The following GMDS variants were observed in gnomAD, a reference collection of about 807,000 sequenced individuals.
GMDS encodes GDP-mannose 4,6-dehydratase.
A neutral mutation model predicts 49.9 loss-of-function variants in GMDS; 20 were observed. The observed-to-expected ratio is 0.40, with a 90% confidence interval of 0.28 to 0.58. The LOEUF is 0.58. GMDS is among the 20% of genes least tolerant of loss of function. The pLI is 0.42. For synonymous variants in GMDS, 177 were observed against 178.6 expected (o/e 0.99, Z 0.07); for missense variants, 362 against 481.4 (o/e 0.75, Z 2.32).
chr6:1,919,494 T>C (rs925270041), intron 7 of GMDS, among the ~76,000 whole-genome samples: 6 of 152,230 alleles, frequency 3.9e-5, no homozygotes, highest in Admixed American at 1.3e-4. Context: ...TCGGCTTCTG[T>C]AAACTGTACC....
At chr6:2,200,787 T>A (rs1779485265) in intron 1 of GMDS, among the ~76,000 whole-genome samples, 1 of 130,534 alleles carries the variant, frequency 7.7e-6, no homozygotes. Context: ...AGCAGAGAGG[T>A]GAAGGATGAA....
chr6:1,685,718 C>T (rs917850045), intron 9 of GMDS, among the ~76,000 whole-genome samples: 1 of 151,960 alleles, frequency 6.6e-6, no homozygotes, highest in Non-Finnish European at 1.5e-5. Context: ...GTGGCCATAA[C>T]ATTTACCAGG....
At chr6:1,689,540 T>C (rs1765099468) in intron 9 of GMDS, among the ~76,000 whole-genome samples, 1 of 152,234 alleles carries the variant, frequency 6.6e-6, no homozygotes, top group South Asian at 2.1e-4. Context: ...TATCTTCTGG[T>C]ATAAGACAAT....
At position 1,811,916 on chromosome 6, in the gene GMDS, A is replaced by G. The variant is rs182191854; in HGVS notation, c.772-69330T>C. 1.4e-4 allele frequency among the ~76,000 whole-genome samples: 22 copies of G among 152,366 alleles called. No individual in the cohort carries two copies. The East Asian group carries it at 3.5e-3, about 24-fold the overall frequency. On this transcript the variant is annotated intron_variant, in intron 7 of 10. Coordinates refer to ENST00000380815, the MANE Select transcript of GMDS (RefSeq NM_001500.4). ...AAAGCTCTGTTTTCATATTAGAATC[A>G]AAAGCTCTGATATTCATTTAACCAA...
chr6:2,036,404 C>T (rs533910081), intron 4 of GMDS, among the ~76,000 whole-genome samples: 3 of 152,006 alleles, frequency 2.0e-5, no homozygotes, highest in East Asian at 3.9e-4. Flanking sequence ...AATAGGTTTG[C>T]TAACTGGAAA....
rs139143259 is a variant in GMDS, at chr6:1,932,289, G to A, written c.644-2059C>T. Among the ~76,000 whole-genome samples the A allele has an allele frequency of 8.1e-4, 124 of 152,246 alleles. 1 individual carries two copies. The highest frequency in any genetic ancestry group is 2.8e-3 in the African/African-American group (118 of 41,532). ...CACTGTGCTGAGCTCTTTAGATGGG[G>A]TAACTCATTTAATTTTCCGAGCAAC... On this transcript the variant is annotated intron_variant, in intron 6 of 10. Transcript: ENST00000380815.
intron 4 of GMDS, among the ~76,000 whole-genome samples, chr6:1,964,150 T>C (rs964356257): frequency 3.9e-5 from 6 of 152,230 alleles, no homozygotes; most frequent in African/African-American, 1.4e-4. Context: ...TTAAGAAACC[T>C]TAAACTAGAT....
At chr6:2,166,814 G>A (rs1777693031) in intron 1 of GMDS, among the ~76,000 whole-genome samples, 2 of 152,096 alleles carry the variant, frequency 1.3e-5, no homozygotes, top group South Asian at 4.1e-4. Flanking sequence ...GTTCCTCCAA[G>A]AGTCTGACAC....
In GMDS at chr6:1,624,485, C is replaced by T. The variant is rs1434294661; in HGVS notation, c.1043G>A (p.Arg348Gln). ...KAKQKLNWKP[R>Q]VAFDELVREM... is the part of the protein sequence containing the mutation. ...AGAGATACTCACATCGAAAGCGACC[C>T]GGGGCTTCCAGTTCAGCTTCTGTTT... Residue 348 changes from arginine to glutamine, a missense_variant, in exon 10 of 11, where the codon CGG (arginine) becomes CAG (glutamine). Physicochemically the swap from Arg to Gln is conservative, Grantham distance 43 (BLOSUM62 1). Transcript: ENST00000380815. 6.2e-7 allele frequency: 1 copy of T among 1,613,558 alleles called. No homozygotes were observed. Among genetic ancestry groups the T allele is most frequent in the Non-Finnish European group, 8.5e-7 (1 of 1,179,654 alleles).
At chr6:1,952,596 AACAG>A (rs1763405963) in intron 6 of GMDS, among the ~76,000 whole-genome samples, 1 of 152,062 alleles carries the variant, frequency 6.6e-6, no homozygotes, top group Non-Finnish European at 1.5e-5. Context: ...TGAAATTCTG[AACAG>A]ACAGTTTAGC....
intron 7 of GMDS, among the ~76,000 whole-genome samples, chr6:1,793,581 G>A (rs1405385316): frequency 1.3e-5 from 2 of 152,156 alleles, no homozygotes; most frequent in African/African-American, 4.8e-5. Flanking sequence ...CACCGCAGGT[G>A]GAGACTGGAG....
chr6:1,652,926 G>A (rs1023591524), intron 9 of GMDS, among the ~76,000 whole-genome samples: 2 of 147,436 alleles, frequency 1.4e-5, no homozygotes, highest in East Asian at 2.0e-4. Flanking sequence ...CCTGGGTCAC[G>A]TGTGTCTGTG....
chr6:2,227,084 T>G (rs1182666021), intron 1 of GMDS, among the ~76,000 whole-genome samples: 3 of 152,156 alleles, frequency 2.0e-5, no homozygotes, highest in Non-Finnish European at 4.4e-5. Flanking sequence ...TGTTGTTTTT[T>G]TTCCCCCTGA....
chr6:1,663,076 C>T (rs1448293807), intron 9 of GMDS, among the ~76,000 whole-genome samples: 1 of 152,186 alleles, frequency 6.6e-6, no homozygotes, highest in East Asian at 1.9e-4. Flanking sequence ...TTCCTTTAGC[C>T]AGATGTCAAA....
At chr6:1,695,560 T>C (rs912905122) in intron 9 of GMDS, among the ~76,000 whole-genome samples, 28 of 152,366 alleles carry the variant, frequency 1.8e-4, no homozygotes, top group Non-Finnish European at 3.7e-4. Context: ...GGCTCTCTCA[T>C]GCAGCAGTAG....
intron 9 of GMDS, among the ~76,000 whole-genome samples, chr6:1,672,400 A>C (rs1764460182): frequency 6.6e-6 from 1 of 152,266 alleles, no homozygotes; most frequent in Non-Finnish European, 1.5e-5. Flanking sequence ...AGGCATGTGT[A>C]AACAGAGATC....
At chr6:1,899,021 CTTAT>C (rs1760364300) in intron 7 of GMDS, among the ~76,000 whole-genome samples, 1 of 152,214 alleles carries the variant, frequency 6.6e-6, no homozygotes, top group African/African-American at 2.4e-5. Context: ...TTTCGCCTGC[CTTAT>C]AAATGCTCCT....
intron 1 of GMDS, among the ~76,000 whole-genome samples, chr6:2,233,236 C>A (rs1179653576): frequency 6.6e-6 from 1 of 152,198 alleles, no homozygotes; most frequent in Non-Finnish European, 1.5e-5. Context: ...CCCTAGCTTC[C>A]TTCTCTTCCA....
intron 4 of GMDS, among the ~76,000 whole-genome samples, chr6:1,963,501 C>T (rs1285230500): frequency 6.6e-6 from 1 of 152,038 alleles, no homozygotes; most frequent in Non-Finnish European, 1.5e-5. Context: ...TGTTTTATTC[C>T]AAGAGTTTTA....
Sources: allele counts gnomAD v4.1 joint callset (sites outside exome capture counted in the v4.1 genomes callset), GRCh38; gene constraint gnomAD v4.1.1; transcripts MANE v1.5; gene names NCBI Gene and HGNC (gene_info 2026-07-23, HGNC 2026-07-21).